The following LAMA2 variants were observed in gnomAD, a reference collection of about 807,000 sequenced individuals.
LAMA2 encodes laminin subunit alpha-2.
A neutral mutation model predicts 364.8 loss-of-function variants in LAMA2; 269 were observed. The observed-to-expected ratio is 0.74, with a 90% CI of 0.67 to 0.82. The LOEUF is 0.82. Among genes scored for constraint, LAMA2 ranks in the 40% least tolerant of loss-of-function variants. The pLI is 0.00. For synonymous variants in LAMA2, 1,379 were observed against 1,370.6 expected (o/e 1.01, Z -0.14); for missense variants, 3,807 against 3,873.2 (o/e 0.98, Z 0.45).
Position 129,147,038 on chromosome 6 carries a change from C to A in LAMA2, c.899C>A (p.Pro300Gln). 1 of 1,602,158 alleles carries A rather than the reference C, an allele frequency of 6.2e-7. No individual in the cohort carries two copies. The highest frequency in any genetic ancestry group is 8.6e-7 in the Non-Finnish European group (1 of 1,169,312). The change falls in exon 6 of 65, where the codon CCA (proline) becomes CAA (glutamine). Residue 300 changes from proline (P) to glutamine (Q), a missense_variant. Pro to Gln is a moderately conservative substitution (Grantham distance 76). Around this residue, in one of 3 missense-constraint regions of LAMA2, gnomAD observed 394 missense variants for 403.5 expected, o/e 0.98. Coordinates refer to ENST00000421865, the MANE Select transcript of LAMA2 (RefSeq NM_000426.4). ...YGHARACPLDPATNKSRCECE... is the reference protein window; with the variant it reads ...YGHARACPLDQATNKSRCECE... Reference sequence around the variant, plus strand: ...CATGCCAGGGCTTGTCCACTTGATCCAGCGACAAATGTATGTATATTTATA... The same window carrying A: ...CATGCCAGGGCTTGTCCACTTGATCAAGCGACAAATGTATGTATATTTATA...
intron 1 of LAMA2, among the ~76,000 whole-genome samples, chr6:128,992,481 A>G (rs1041600852): frequency 2.6e-5 from 4 of 152,200 alleles, no homozygotes; most frequent in African/African-American, 9.7e-5. Flanking sequence ...GTAGTCTCAC[A>G]TTAAGGGAGA....
chr6:129,307,766 T>C (rs543476133), intron 22 of LAMA2, among the ~76,000 whole-genome samples: 1 of 152,248 alleles, frequency 6.6e-6, no homozygotes, highest in Non-Finnish European at 1.5e-5. Context: ...CAGTGCCTAA[T>C]GCAACACAAA....
intron 40 of LAMA2, among the ~76,000 whole-genome samples, chr6:129,427,004 T>C (rs1452870872): frequency 6.6e-6 from 1 of 152,220 alleles, no homozygotes. Context: ...TCTTGGTATA[T>C]ATGAATTATG....
chr6:129,219,181 C>G (rs1469313090), intron 12 of LAMA2, among the ~76,000 whole-genome samples: 2 of 152,172 alleles, frequency 1.3e-5, no homozygotes, highest in Non-Finnish European at 2.9e-5. Flanking sequence ...AAGACAGACA[C>G]TTCTCAAAAG....
intron 15 of LAMA2, 82 bp from the exon 16 acceptor site, chr6:129,267,024 T>G (rs1787566501): frequency 1.1e-6 from 1 of 879,792 alleles, no homozygotes; most frequent in South Asian, 1.3e-5. Context: ...TATTTTCTGT[T>G]ATCAGAAAAC....
chr6:128,911,565 AC>A (rs1475568356), intron 1 of LAMA2, among the ~76,000 whole-genome samples: 2 of 152,170 alleles, frequency 1.3e-5, no homozygotes, highest in African/African-American at 4.8e-5. Context: ...TGAACCCGGT[AC>A]CTCAGATGGA....
intron 1 of LAMA2, among the ~76,000 whole-genome samples, chr6:129,034,353 C>T (rs528931629): frequency 1.3e-5 from 2 of 152,062 alleles, no homozygotes; most frequent in East Asian, 1.9e-4. Flanking sequence ...AGTTGAAGTA[C>T]GAACACATTA....
intron 12 of LAMA2, among the ~76,000 whole-genome samples, chr6:129,194,654 G>A (rs548076761): frequency 3.9e-5 from 6 of 152,224 alleles, no homozygotes; most frequent in African/African-American, 1.4e-4. Context: ...GTTTGAATAC[G>A]GAGGACATTT....
intron 8 of LAMA2, chr6:129,158,454 G>T: frequency 1.2e-6 from 2 of 1,613,994 alleles, no homozygotes; most frequent in African/African-American, 1.3e-5. Context: ...AACCAATAAA[G>T]GTAGTCCAGA....
Position 129,492,336 on chromosome 6 carries a change from T to C in LAMA2, c.8097T>C (p.Pro2699=), listed in dbSNP as rs1562615075. 2 of 1,614,042 alleles carry C rather than the reference T, an allele frequency of 1.2e-6. No individual in the cohort carries two copies. The highest frequency in any genetic ancestry group is 8.5e-7 in the Non-Finnish European group (1 of 1,179,996). ...TTAGCCCCATGGACTTTGCAAGGCCTGTGTCCTTCAAAAATGCTGACATTG... is the reference window on the plus strand; with the variant it reads ...TTAGCCCCATGGACTTTGCAAGGCCCGTGTCCTTCAAAAATGCTGACATTG... ...INSVPMDFAR[P]VSFKNADIGR... is the part of the protein sequence containing the mutation. The change falls in exon 58 of 65, where the codon CCT becomes CCC. Residue 2699 remains proline, a synonymous_variant. Coordinates refer to ENST00000421865, the MANE Select transcript of LAMA2 (RefSeq NM_000426.4).
intron 12 of LAMA2, among the ~76,000 whole-genome samples, chr6:129,234,428 A>G (rs1052686416): frequency 6.6e-6 from 1 of 152,146 alleles, no homozygotes; most frequent in Non-Finnish European, 1.5e-5. Context: ...TGAGTTTTTT[A>G]CTTATATCAC....
chr6:129,350,368 G>A (rs574408704), intron 31 of LAMA2, among the ~76,000 whole-genome samples: 3 of 152,184 alleles, frequency 2.0e-5, no homozygotes, highest in African/African-American at 4.8e-5. Context: ...GACAATAAGT[G>A]TGTAAAGGAC....
At chr6:129,182,653 A>G (rs986817566) in intron 10 of LAMA2, among the ~76,000 whole-genome samples, 2 of 151,904 alleles carry the variant, frequency 1.3e-5, no homozygotes, top group Admixed American at 1.3e-4. Flanking sequence ...AAACAATGCT[A>G]CATTGTTTGT....
At chr6:129,060,566 T>C (rs1788831307) in intron 3 of LAMA2, among the ~76,000 whole-genome samples, 1 of 152,180 alleles carries the variant, frequency 6.6e-6, no homozygotes, top group African/African-American at 2.4e-5. Context: ...GGATGGAAAG[T>C]GGACAAATGC....
At chr6:128,884,851 C>T (rs540482373) in intron 1 of LAMA2, among the ~76,000 whole-genome samples, 13 of 152,244 alleles carry the variant, frequency 8.5e-5, no homozygotes, top group African/African-American at 2.9e-4. Flanking sequence ...CCAGGGGCAC[C>T]AATCCTTATG....
At chr6:129,081,566 T>TAATTTC (rs1280929617) in intron 3 of LAMA2, among the ~76,000 whole-genome samples, 10 of 152,216 alleles carry the variant, frequency 6.6e-5, no homozygotes, top group African/African-American at 2.4e-4. Flanking sequence ...TCTTTTTGGG[T>TAATTTC]AATTTCAATT....
chr6:129,172,676 C>T (rs1174128980), intron 9 of LAMA2, among the ~76,000 whole-genome samples: 1 of 152,228 alleles, frequency 6.6e-6, no homozygotes, highest in Admixed American at 6.5e-5. Context: ...GCAGGCAGGC[C>T]TCCTTGAGCT....
intron 8 of LAMA2, chr6:129,158,236 T>G (rs1429424327): frequency 5.0e-6 from 8 of 1,613,982 alleles, no homozygotes; most frequent in Non-Finnish European, 6.8e-6. Flanking sequence ...GTACCTTTAA[T>G]ATCTGCCGCT....
intron 1 of LAMA2, among the ~76,000 whole-genome samples, chr6:128,985,318 C>G (rs1783157923): frequency 6.6e-6 from 1 of 152,116 alleles, no homozygotes; most frequent in Non-Finnish European, 1.5e-5. Flanking sequence ...CAGTTTAAAA[C>G]TATTCAGTGC....
Sources: allele counts gnomAD v4.1 joint callset (sites outside exome capture counted in the v4.1 genomes callset), GRCh38; gene constraint gnomAD v4.1.1; regional missense constraint gnomAD v4.1.1; transcripts MANE v1.5; gene names NCBI Gene and HGNC (gene_info 2026-07-23, HGNC 2026-07-21).